ILRUN: variants seen among roughly 807,000 people sequenced by gnomAD.
ILRUN encodes inflammation and lipid regulator with UBA-like and NBR1-like domains, also known as protein ILRUN.
Under a neutral mutation model 33.8 loss-of-function variants are expected in ILRUN, and 3 were observed. That is an observed-to-expected ratio of 0.09 (90% CI 0.04 to 0.23). ILRUN has a LOEUF of 0.23. Ranked by LOEUF, ILRUN falls within the 10% of genes least tolerant of loss-of-function variation. ILRUN has a pLI of 1.00. For missense variants in ILRUN, 210 were observed against 375.1 expected, an observed-to-expected ratio of 0.56 and a Z score of 3.64; for synonymous variants, 124 against 138.9, an observed-to-expected ratio of 0.89 and a Z score of 0.75.
intron 4 of ILRUN, among the ~76,000 whole-genome samples, chr6:34,598,240 A>G (rs555660665): frequency 4.5e-4 from 68 of 152,308 alleles, no homozygotes; most frequent in African/African-American, 1.5e-3. Flanking sequence ...ATCACAGCAA[A>G]AAGTTCAAGA....
chr6:34,678,836 C>CAAAAAAAAAAAAAAA (rs767799882), intron 1 of ILRUN, among the ~76,000 whole-genome samples: 12 of 47,872 alleles, frequency 2.5e-4, no homozygotes, highest in African/African-American at 6.8e-4. Context: ...GACTCCGTCT[C>CAAAAAAAAAAAAAAA]AAAAAAAAAA....
intron 3 of ILRUN, among the ~76,000 whole-genome samples, chr6:34,638,032 G>A (rs563173212): frequency 0.011 from 1,603 of 152,028 alleles, 32 homozygotes; most frequent in African/African-American, 0.036. Flanking sequence ...GATTACAGGT[G>A]TGTGCCACCA....
intron 1 of ILRUN, among the ~76,000 whole-genome samples, chr6:34,681,046 G>C (rs984693259): frequency 1.3e-5 from 2 of 150,892 alleles, no homozygotes; most frequent in Non-Finnish European, 2.9e-5. Flanking sequence ...TGTTATCAAA[G>C]GGTTTAAAAA....
At chr6:34,650,411 A>ATTTATTTATTTATT (rs1562017806) in intron 2 of ILRUN, among the ~76,000 whole-genome samples, 1 of 31,606 alleles carries the variant, frequency 3.2e-5, no homozygotes, top group Non-Finnish European at 6.9e-5. Context: ...ATTTATTTTT[A>ATTTATTTATTTATT]TTTATTTATT....
chr6:34,684,475 T>C (rs1203031129), intron 1 of ILRUN, among the ~76,000 whole-genome samples: 2 of 152,196 alleles, frequency 1.3e-5, no homozygotes, highest in African/African-American at 4.8e-5. Context: ...AATTAAGCCT[T>C]TTCTCCCATC....
chr6:34,609,227 G>A (rs1340872696), intron 3 of ILRUN, among the ~76,000 whole-genome samples: 2 of 152,334 alleles, frequency 1.3e-5, no homozygotes, highest in East Asian at 1.9e-4. Flanking sequence ...GGTGGCTCAT[G>A]CCTGTAATCC....
intron 1 of ILRUN, among the ~76,000 whole-genome samples, chr6:34,691,795 C>CA (rs34756076): frequency 4.1e-4 from 52 of 126,750 alleles, no homozygotes; most frequent in Middle Eastern, 4.3e-3. Flanking sequence ...AACTCTGTCT[C>CA]AAAAAAAAAA....
At chr6:34,656,548 G>A (rs749115999) in intron 1 of ILRUN, among the ~76,000 whole-genome samples, 1 of 152,054 alleles carries the variant, frequency 6.6e-6, no homozygotes, top group Non-Finnish European at 1.5e-5. Flanking sequence ...CACTTCCCAC[G>A]CTATGTAACA....
At chr6:34,676,791 T>C (rs1763244061) in intron 1 of ILRUN, among the ~76,000 whole-genome samples, 1 of 152,144 alleles carries the variant, frequency 6.6e-6, no homozygotes, top group Admixed American at 6.5e-5. Flanking sequence ...TAACACCTTT[T>C]ATCTATCAGA....
intron 4 of ILRUN, among the ~76,000 whole-genome samples, chr6:34,600,723 T>TG (rs926225076): frequency 5.3e-5 from 8 of 152,018 alleles, no homozygotes; most frequent in South Asian, 4.1e-4. Flanking sequence ...CAATAGCTGG[T>TG]GGGGGGAAGA....
chr6:34,633,697 A>G (rs1463593034), intron 3 of ILRUN, among the ~76,000 whole-genome samples: 2 of 151,830 alleles, frequency 1.3e-5, no homozygotes, highest in African/African-American at 4.8e-5. Context: ...CAAAAAATAA[A>G]AAGTAAAAAA....
chr6:34,690,666 T>G (rs1581562829), intron 1 of ILRUN, among the ~76,000 whole-genome samples: 1 of 152,102 alleles, frequency 6.6e-6, no homozygotes, highest in African/African-American at 2.4e-5. Flanking sequence ...AGTTGAAAAC[T>G]TTTAGTAATT....
At chr6:34,628,101 A>G (rs1419677303) in intron 3 of ILRUN, among the ~76,000 whole-genome samples, 3 of 151,248 alleles carry the variant, frequency 2.0e-5, no homozygotes, top group African/African-American at 7.3e-5. Context: ...ACTCACTGCA[A>G]CCTCCACCTG....
At position 34,692,980 on chromosome 6, in the gene ILRUN, A is replaced by G. The variant is rs1763677392; in HGVS notation, c.158+3466T>C. Among the ~76,000 whole-genome samples the G allele has an allele frequency of 3.3e-5, 5 of 152,156 alleles. No homozygotes were observed. The South Asian group carries it at 1.0e-3, about 31-fold the overall frequency. On this transcript the variant is annotated intron_variant, in intron 1 of 4. Coordinates refer to ENST00000374023, the MANE Select transcript of ILRUN (RefSeq NM_024294.4). ...GTAGTCCCAGCTACTCAAGAGGCTGAGGTGGGAGGATTGCTTGAATCTGGG... is the reference window on the plus strand; with the variant it reads ...GTAGTCCCAGCTACTCAAGAGGCTGGGGTGGGAGGATTGCTTGAATCTGGG...
intron 2 of ILRUN, among the ~76,000 whole-genome samples, chr6:34,649,062 G>A (rs116721517): frequency 6.0e-4 from 92 of 152,276 alleles, no homozygotes; most frequent in African/African-American, 2.0e-3. Context: ...CTAGGGTCCT[G>A]CCCTTCTTGG....
chr6:34,676,787 C>T (rs1384406451), intron 1 of ILRUN, among the ~76,000 whole-genome samples: 1 of 151,962 alleles, frequency 6.6e-6, no homozygotes, highest in South Asian at 2.1e-4. Context: ...CAAGTAACAC[C>T]TTTTATCTAT....
intron 1 of ILRUN, among the ~76,000 whole-genome samples, chr6:34,681,834 T>A (rs1387763062): frequency 6.8e-6 from 1 of 146,072 alleles, no homozygotes; most frequent in Non-Finnish European, 1.5e-5. Flanking sequence ...ATGACCAAAG[T>A]CCACCACTAC....
intron 1 of ILRUN, among the ~76,000 whole-genome samples, chr6:34,677,670 C>T (rs1763264975): frequency 6.6e-6 from 1 of 151,964 alleles, no homozygotes; most frequent in African/African-American, 2.4e-5. Context: ...AAAACAGGGC[C>T]GGTCACCACG....
intron 1 of ILRUN, among the ~76,000 whole-genome samples, chr6:34,679,454 G>A (rs991330862): frequency 1.3e-5 from 2 of 151,948 alleles, no homozygotes; most frequent in Admixed American, 6.6e-5. Flanking sequence ...TTAACTACAA[G>A]AAATGTTCAA....
Sources: gnomAD v4.1 joint callset for allele counts (sites outside exome capture counted in the v4.1 genomes callset) on GRCh38, gnomAD v4.1.1 for gene constraint, MANE v1.5 for transcripts, NCBI Gene and HGNC (gene_info 2026-07-23, HGNC 2026-07-21) for gene names.